Variants in XRN1 observed in about 807,000 individuals in gnomAD.
XRN1 encodes 5'-3' exoribonuclease 1.
A neutral mutation model predicts 222.3 loss-of-function variants in XRN1; 67 were observed. The observed-to-expected ratio is 0.30, with a 90% CI of 0.25 to 0.37. XRN1 has a LOEUF of 0.37. Ranked by LOEUF, XRN1 falls within the 10% of genes least tolerant of loss-of-function variation. The pLI is 1.00. For synonymous variants in XRN1, 643 were observed against 652.4 expected, an observed-to-expected ratio of 0.99 and a Z score of 0.22; for missense variants, 1,707 against 2,000.2, an observed-to-expected ratio of 0.85 and a Z score of 2.80.
At chr3:142,312,309 A>T (rs939368316) in intron 40 of XRN1, among the ~76,000 whole-genome samples, 10 of 152,036 alleles carry the variant, frequency 6.6e-5, no homozygotes, top group African/African-American at 2.2e-4. Context: ...ATAATAATAA[A>T]AATACAATTC....
At position 142,432,514 on chromosome 3, in the gene XRN1, A is replaced by C. The variant is rs550441681; in HGVS notation, c.308+147T>G. The C allele has an allele frequency of 6.4e-5, 48 of 753,248 alleles. No individual in the cohort carries two copies. In the East Asian group the frequency reaches 1.2e-3, roughly 19 times the overall value. 46.7% of individuals were successfully genotyped at this position (753,248 alleles called of 1,614,324 possible). A position where few individuals can be genotyped will look rare whatever the true frequency, so the allele number is the denominator to read the frequency against. On this transcript the variant is annotated intron_variant, in intron 2 of 40. Coordinates refer to ENST00000392981, the MANE Select transcript of XRN1 (RefSeq NM_001282857.2). ...TTCCTAACTCATTACTCGACTGGTA[A>C]AATATGACACTGAGATATTTCCATT...
rs977097434 is a variant in XRN1, at chr3:142,414,588, C to T, written c.1437-297G>A. Among the ~76,000 whole-genome samples the T allele has an allele frequency of 3.3e-5, 5 of 152,096 alleles. No individual in the cohort carries two copies. In the South Asian group the frequency reaches 8.3e-4, roughly 25 times the overall value. On this transcript the variant is annotated intron_variant, in intron 13 of 40. Transcript: ENST00000392981. The stretch of plus-strand genomic sequence containing the variant: ...CTGGCTCACTGCAAGCTCCACCTCC[C>T]GGGCTCAGGCCATTCTGCTGCCTCA...
chr3:142,415,328 T>C (rs2068742190), intron 13 of XRN1, among the ~76,000 whole-genome samples: 1 of 147,950 alleles, frequency 6.8e-6, no homozygotes, highest in Middle Eastern at 3.2e-3. Flanking sequence ...ATGGCGTACA[T>C]TTCAAAAAAA....
chr3:142,343,661 G>A (rs1472742106), intron 33 of XRN1, among the ~76,000 whole-genome samples: 1 of 152,030 alleles, frequency 6.6e-6, no homozygotes, highest in Non-Finnish European at 1.5e-5. Flanking sequence ...AAACACTATG[G>A]AGAACAATTT....
intron 24 of XRN1, chr3:142,376,251 CT>C: frequency 1.5e-5 from 9 of 618,076 alleles, no homozygotes; most frequent in Non-Finnish European, 1.9e-5. Context: ...CCTCTGATAC[CT>C]TTTTTCAAGG....
intron 29 of XRN1, among the ~76,000 whole-genome samples, chr3:142,362,461 C>T (rs1451125980): frequency 1.3e-5 from 2 of 151,772 alleles, no homozygotes; most frequent in African/African-American, 4.8e-5. Context: ...TTAGTAGAGA[C>T]GGGATTTCAT....
intron 1 of XRN1, among the ~76,000 whole-genome samples, chr3:142,439,117 TA>T (rs952354735): frequency 2.0e-5 from 3 of 152,158 alleles, no homozygotes; most frequent in Non-Finnish European, 4.4e-5. Context: ...TAGATCTAGG[TA>T]AATTCTCAGA....
rs189000706 is a variant in XRN1 at position 142,410,149 on chromosome 3, G to T, written c.1713+2395C>A. On this transcript the variant is annotated intron_variant, in intron 15 of 40. Transcript: ENST00000392981. ...TGGACCTCCAGTAAAACGTTAGAAA[G>T]AAGTGGTTAGAATGGACATCTTGTC... Among the ~76,000 whole-genome samples, 408 of 152,332 alleles carry T rather than the reference G, an allele frequency of 2.7e-3. 6 individuals carry two copies. Among genetic ancestry groups the T allele is most frequent in the African/African-American group, 9.3e-3 (387 of 41,582 alleles).
In XRN1 at chr3:142,369,019, A is replaced by G. The variant is rs977974309; in HGVS notation, c.3204+1466T>C. Reference sequence around the variant, plus strand: ...AGAGGTATGGAAGGAAAGGTTAAGTATCTTGCCTAAGGTTATTAATATTGA... The same window carrying G: ...AGAGGTATGGAAGGAAAGGTTAAGTGTCTTGCCTAAGGTTATTAATATTGA... On this transcript the variant is annotated intron_variant, in intron 27 of 40. Coordinates refer to ENST00000392981, the MANE Select transcript of XRN1 (RefSeq NM_001282857.2). 9.2e-5 allele frequency among the ~76,000 whole-genome samples: 14 copies of G among 152,276 alleles called. No individual in the cohort carries two copies. The South Asian group carries it at 2.5e-3, about 27-fold the overall frequency.
At chr3:142,316,214 CTTTTTTTTT>C (rs377522108) in intron 39 of XRN1, among the ~76,000 whole-genome samples, 4 of 111,842 alleles carry the variant, frequency 3.6e-5, no homozygotes, top group Admixed American at 9.2e-5. Flanking sequence ...TCATTATCTT[CTTTTTTTTT>C]TTTTTTTTTT....
chr3:142,413,615 T>C (rs1484647413), intron 14 of XRN1, among the ~76,000 whole-genome samples: 1 of 152,250 alleles, frequency 6.6e-6, no homozygotes, highest in African/African-American at 2.4e-5. Flanking sequence ...GGTAACCTTA[T>C]CAACTCCTGA....
At chr3:142,428,610 T>C (rs923578792) in intron 2 of XRN1, among the ~76,000 whole-genome samples, 19 of 152,120 alleles carry the variant, frequency 1.2e-4, no homozygotes, top group East Asian at 9.7e-4. Context: ...TGTGACAAAT[T>C]TGAGACTGGA....
intron 29 of XRN1, among the ~76,000 whole-genome samples, chr3:142,361,069 G>T (rs745719476): frequency 6.6e-6 from 1 of 152,068 alleles, no homozygotes; most frequent in Non-Finnish European, 1.5e-5. Context: ...TCCTAATCTA[G>T]GCAACTAAAA....
At chr3:142,418,365 G>A in intron 12 of XRN1, 139 bp downstream of exon 12, 1 of 601,464 alleles carries the variant, frequency 1.7e-6, no homozygotes. Flanking sequence ...TCCAAAACCA[G>A]ACTAGTTGAA....
At chr3:142,391,511 T>G (rs376414961) in intron 20 of XRN1, among the ~76,000 whole-genome samples, 1 of 152,036 alleles carries the variant, frequency 6.6e-6, no homozygotes, top group Admixed American at 6.6e-5. Flanking sequence ...GGAGTATCAC[T>G]TGAGGCTAGG....
At chr3:142,402,565 T>C (rs555445767) in intron 18 of XRN1, among the ~76,000 whole-genome samples, 1 of 152,302 alleles carries the variant, frequency 6.6e-6, no homozygotes, top group South Asian at 2.1e-4. Context: ...TCAAAGATGG[T>C]ACATAACTCC....
intron 10 of XRN1, 111 bp from the exon 11 acceptor site, chr3:142,418,992 A>G (rs1231084702): frequency 1.1e-6 from 1 of 912,040 alleles, no homozygotes; most frequent in Non-Finnish European, 1.8e-6. Context: ...ATGTTATAAC[A>G]TCCTTCATAT....
chr3:142,328,728 TA>T (rs2065600172), intron 37 of XRN1, among the ~76,000 whole-genome samples: 1 of 20,928 alleles, frequency 4.8e-5, no homozygotes, highest in East Asian at 1.3e-3. Context: ...TATATATATA[TA>T]TATATATATA....
rs563014384 is a variant in XRN1 at position 142,369,280 on chromosome 3, C to T, written c.3204+1205G>A. Among the ~76,000 whole-genome samples the T allele has an allele frequency of 2.6e-4, 39 of 152,072 alleles. No individual in the cohort carries two copies. In the South Asian group the frequency reaches 3.7e-3, roughly 15 times the overall value. On this transcript the variant is annotated intron_variant, in intron 27 of 40. Transcript: ENST00000392981. The stretch of plus-strand genomic sequence containing the variant: ...TAAAAGTCTACTCCTTAAAAGAAAG[C>T]GAGACGTAAGAAATAGGAGAGATTG...
Sources: gnomAD v4.1 joint callset for allele counts (sites outside exome capture counted in the v4.1 genomes callset) on GRCh38, gnomAD v4.1.1 for gene constraint, MANE v1.5 for transcripts, NCBI Gene and HGNC (gene_info 2026-07-23, HGNC 2026-07-21) for gene names.